Variants in PDS5B observed in about 807,000 individuals in gnomAD.
PDS5B encodes the protein sister chromatid cohesion protein PDS5 homolog B.
A neutral mutation model predicts 184.1 loss-of-function variants in PDS5B; 51 were observed. The observed-to-expected ratio is 0.28, with a 90% CI of 0.22 to 0.35. The LOEUF (loss-of-function observed/expected upper bound fraction) is 0.35. Among genes scored for constraint, PDS5B ranks in the 10% least tolerant of loss-of-function variants. The probability of loss-of-function intolerance (pLI) is 1.00; values close to 1 mark genes in which losing one functional copy is unlikely to be tolerated. For missense variants in PDS5B, 1,180 were observed against 1,723.3 expected, an observed-to-expected ratio of 0.68 and a Z score of 5.58; for synonymous variants, 566 against 569.2, an observed-to-expected ratio of 0.99 and a Z score of 0.08.
At chr13:32,751,973 G>A (rs1261519693) in intron 24 of PDS5B, among the ~76,000 whole-genome samples, 2 of 151,520 alleles carry the variant, frequency 1.3e-5, no homozygotes, top group African/African-American at 4.9e-5. Flanking sequence ...TTATGACCAA[G>A]ATTTTTGGGG....
chr13:32,756,865 G>A (rs1283322586), intron 26 of PDS5B, among the ~76,000 whole-genome samples: 1 of 152,146 alleles, frequency 6.6e-6, no homozygotes, highest in Non-Finnish European at 1.5e-5. Flanking sequence ...GCTCATGCCT[G>A]TAATCTCAGC....
chr13:32,768,404 G>A (rs896038236), intron 31 of PDS5B, among the ~76,000 whole-genome samples: 7 of 151,988 alleles, frequency 4.6e-5, no homozygotes, highest in African/African-American at 7.3e-5. Flanking sequence ...CCTCCCAAAG[G>A]CCCCATCTCC....
At chr13:32,747,085 C>G (rs553457555) in intron 24 of PDS5B, among the ~76,000 whole-genome samples, 2 of 152,130 alleles carry the variant, frequency 1.3e-5, no homozygotes, top group Non-Finnish European at 2.9e-5. Context: ...AGCAGTGAAA[C>G]TTTCAGATTC....
intron 1 of PDS5B, among the ~76,000 whole-genome samples, chr13:32,589,796 T>TTTTAAG (rs11280754): frequency 0.41 from 61,413 of 151,508 alleles, 12,997 homozygotes; most frequent in African/African-American, 0.53. Flanking sequence ...TGTATTTACT[T>TTTTAAG]TTTAAGAAGC....
chr13:32,602,142 T>C (rs1163210722), intron 1 of PDS5B, among the ~76,000 whole-genome samples: 3 of 152,174 alleles, frequency 2.0e-5, no homozygotes, highest in Non-Finnish European at 4.4e-5. Context: ...GTGCACAGCG[T>C]GCAGGTTTGT....
chr13:32,762,740 T>C (rs1358924737), intron 30 of PDS5B, among the ~76,000 whole-genome samples: 3 of 152,208 alleles, frequency 2.0e-5, no homozygotes, highest in Non-Finnish European at 4.4e-5. Context: ...TTTGTACTTC[T>C]CTTTTTACTG....
At chr13:32,595,302 T>C (rs1418870926) in intron 1 of PDS5B, among the ~76,000 whole-genome samples, 1 of 152,294 alleles carries the variant, frequency 6.6e-6, no homozygotes, top group Non-Finnish European at 1.5e-5. Flanking sequence ...GATTCTGATA[T>C]AGTATTTTTA....
chr13:32,646,369 GTTTTTTTTT>G (rs58539534), intron 1 of PDS5B, among the ~76,000 whole-genome samples: 47,169 of 107,228 alleles, frequency 0.44, 8,733 homozygotes, highest in Middle Eastern at 0.58. Flanking sequence ...TCATGGCTGT[GTTTTTTTTT>G]TTTTTTTTTT....
At chr13:32,605,792 CT>C (rs2058051231) in intron 1 of PDS5B, among the ~76,000 whole-genome samples, 1 of 144,270 alleles carries the variant, frequency 6.9e-6, no homozygotes, top group South Asian at 2.2e-4. Flanking sequence ...GTTAGCTCTT[CT>C]TGTTGAATCG....
intron 1 of PDS5B, among the ~76,000 whole-genome samples, chr13:32,643,944 T>G (rs974123849): frequency 2.6e-5 from 4 of 152,214 alleles, no homozygotes; most frequent in Non-Finnish European, 5.9e-5. Context: ...GTTTATTTTT[T>G]GTAGATTCCT....
rs780051189 is a variant in PDS5B at position 32,753,421 on chromosome 13, C to G, written c.2826C>G (p.Ile942Met). 2 of 1,613,888 alleles carry G rather than the reference C, an allele frequency of 1.2e-6. No individual in the cohort carries two copies. The highest frequency in any genetic ancestry group is 1.1e-5 in the South Asian group (1 of 91,066). Residue 942 changes from isoleucine (I) to methionine (M), a missense_variant, in exon 25 of 35, where the codon ATC (isoleucine) becomes ATG (methionine). Around this residue, in one of 11 missense-constraint regions of PDS5B, gnomAD observed 40 missense variants for 107.2 expected, o/e 0.37. Transcript: ENST00000315596. ...GGCTTCCACTTGAGTATATGGCAAT[C>G]TGTGCCCTTTGTGCAAAAGATCCTG... ...RLRLPLEYMA[I>M]CALCAKDPVK...
At chr13:32,679,578 G>A (rs1951173158) in intron 10 of PDS5B, among the ~76,000 whole-genome samples, 1 of 152,044 alleles carries the variant, frequency 6.6e-6, no homozygotes, top group African/African-American at 2.4e-5. Context: ...AGAGGTTGCA[G>A]TGAGCTGAGA....
At position 32,759,808 on chromosome 13, in the gene PDS5B, A is replaced by G; in HGVS notation, c.3372+118A>G. 1.4e-5 allele frequency: 8 copies of G among 559,424 alleles called. No homozygotes were observed. In the South Asian group the frequency reaches 2.2e-4, roughly 16 times the overall value. 34.7% of individuals were successfully genotyped at this position (559,424 alleles called of 1,614,324 possible). A position where few individuals can be genotyped will look rare whatever the true frequency, so the allele number is the denominator to read the frequency against. ...TTATATTTTCAAGCTGGAAAATATA[A>G]GAATTAACGATCTTACATTTACTAG... On this transcript the variant is annotated intron_variant, in intron 29 of 34. Transcript: ENST00000315596.
chr13:32,775,097 C>CATTTTTTTT lies in PDS5B; in HGVS notation c.*45_*46insATTTTTTTT. 4 of 862,708 alleles carry CATTTTTTTT rather than the reference C, an allele frequency of 4.6e-6. No individual in the cohort carries two copies. The highest frequency in any genetic ancestry group is 1.7e-5 in the South Asian group (1 of 59,242). 53.4% of individuals were successfully genotyped at this position (862,708 alleles called of 1,614,324 possible). On this transcript the variant is annotated 3_prime_UTR_variant, in exon 35 of 35. Coordinates refer to ENST00000315596, the MANE Select transcript of PDS5B (RefSeq NM_015032.4). ...TTCTCTGTGAAAGCTTTGGAAAAAT[C>CATTTTTTTT]TTTTTTTTTTTTTTTGGTCAAGCTT...
At position 32,660,873 on chromosome 13, in the gene PDS5B, T is replaced by G. The variant is rs1389452817; in HGVS notation, c.624+1593T>G. Among the ~76,000 whole-genome samples the G allele has an allele frequency of 2.0e-5, 3 of 152,260 alleles. No homozygotes were observed. In the East Asian group the frequency reaches 5.8e-4, roughly 29 times the overall value. On this transcript the variant is annotated intron_variant, in intron 6 of 34. Transcript: ENST00000315596. ...TAGATTCAATCTTTTGCTTAGTCCA[T>G]TTAGCTTAGGGTGGAAATTTCTCAA...
At chr13:32,664,914 A>T (rs1950745409) in intron 6 of PDS5B, among the ~76,000 whole-genome samples, 1 of 152,224 alleles carries the variant, frequency 6.6e-6, no homozygotes, top group Non-Finnish European at 1.5e-5. Context: ...ATTTGACAAG[A>T]TGAATCTAAA....
intron 19 of PDS5B, among the ~76,000 whole-genome samples, chr13:32,715,035 C>A (rs1474821011): frequency 6.6e-6 from 1 of 152,178 alleles, no homozygotes; most frequent in Non-Finnish European, 1.5e-5. Flanking sequence ...AATAAATGTC[C>A]ATGAAACCTT....
chr13:32,613,935 A>G (rs1233658393), intron 1 of PDS5B, among the ~76,000 whole-genome samples: 1 of 152,212 alleles, frequency 6.6e-6, no homozygotes, highest in East Asian at 1.9e-4. Context: ...GTAGGCATGC[A>G]CATTCATTCT....
chr13:32,648,950 A>G (rs1950295478), intron 2 of PDS5B, 70 bp downstream of exon 2: 1 of 778,274 alleles, frequency 1.3e-6, no homozygotes, highest in East Asian at 2.5e-5. Context: ...ACATGGGGCT[A>G]TAATGTATCT....
Sources: allele counts gnomAD v4.1 joint callset (sites outside exome capture counted in the v4.1 genomes callset), GRCh38; gene constraint gnomAD v4.1.1; regional missense constraint gnomAD v4.1.1; transcripts MANE v1.5; gene names NCBI Gene and HGNC (gene_info 2026-07-23, HGNC 2026-07-21).